Variants in ZFP82 observed in about 807,000 individuals in gnomAD.
ZFP82 encodes ZFP82 zinc finger protein, also known as zinc finger protein 82 homolog.
In ZFP82, 30 loss-of-function variants were observed where a neutral mutation model predicts 54.0. The observed-to-expected ratio is 0.56, with a 90% CI of 0.42 to 0.75. The LOEUF is 0.75. ZFP82 is among the 30% of genes least tolerant of loss of function. The pLI, the probability that ZFP82 is intolerant of heterozygous loss-of-function variation, is 0.00. For missense variants in ZFP82, 500 were observed against 636.8 expected (o/e 0.79, Z 2.31); for synonymous variants, 194 against 209.5 (o/e 0.93, Z 0.64).
chr19:36,402,771 G>A (rs1436030731), intron 4 of ZFP82, among the ~76,000 whole-genome samples: 5 of 151,682 alleles, frequency 3.3e-5, no homozygotes, highest in African/African-American at 4.8e-5. Context: ...CGAGATGGGC[G>A]GATCATGAGG....
chr19:36,418,267 G>A (rs2032706853), intron 1 of ZFP82, among the ~76,000 whole-genome samples: 1 of 151,898 alleles, frequency 6.6e-6, no homozygotes, highest in South Asian at 2.1e-4. Context: ...AACTGACCGA[G>A]GGCCATTTCT....
chr19:36,403,874 A>G (rs2032437502), intron 4 of ZFP82, among the ~76,000 whole-genome samples: 2 of 151,982 alleles, frequency 1.3e-5, no homozygotes, highest in Admixed American at 6.5e-5. Flanking sequence ...TGATTATACT[A>G]TCAAGCATAT....
At chr19:36,414,026 G>A (rs1226460557) in intron 1 of ZFP82, among the ~76,000 whole-genome samples, 5 of 149,662 alleles carry the variant, frequency 3.3e-5, no homozygotes, top group African/African-American at 1.2e-4. Context: ...TCAGCCTCCC[G>A]AGTAGCTGGG....
intron 4 of ZFP82, among the ~76,000 whole-genome samples, chr19:36,398,706 A>C (rs2145585016): frequency 6.6e-6 from 1 of 152,272 alleles, no homozygotes; most frequent in Non-Finnish European, 1.5e-5. Flanking sequence ...TTTCCCAAGA[A>C]ACAGCGTCAC....
At chr19:36,414,550 G>C (rs112091458) in intron 1 of ZFP82, among the ~76,000 whole-genome samples, 1 of 151,516 alleles carries the variant, frequency 6.6e-6, no homozygotes, top group South Asian at 2.1e-4. Context: ...TTTTAGTACA[G>C]ACAGGGTTTC....
At chr19:36,408,641 A>G (rs770629372) in intron 2 of ZFP82, among the ~76,000 whole-genome samples, 33 of 152,066 alleles carry the variant, frequency 2.2e-4, no homozygotes, top group Non-Finnish European at 4.7e-4. Flanking sequence ...CCAACAGGAG[A>G]ACCCTTGTTT....
Position 36,390,418 on chromosome 19 carries a change from T to G in ZFP82, c.*2323A>C, listed in dbSNP as rs189350940. 2.1e-4 allele frequency: 32 copies of G among 151,992 alleles called. No individual in the cohort carries two copies. In the East Asian group the frequency reaches 5.8e-3, roughly 28 times the overall value. 9.4% of individuals were successfully genotyped at this position (151,992 alleles called of 1,614,324 possible). On this transcript the variant is annotated 3_prime_UTR_variant, in exon 5 of 5. Coordinates refer to ENST00000392161, the MANE Select transcript of ZFP82 (RefSeq NM_133466.4). ...TTCCCAAATTGTGCATTTGGTTGTT[T>G]GCTTCTTTGTGTTGTTAATTTGTTC... is the stretch of plus-strand genomic sequence containing the variant.
intron 1 of ZFP82, among the ~76,000 whole-genome samples, chr19:36,410,713 G>A (rs1018685732): frequency 6.6e-6 from 1 of 151,794 alleles, no homozygotes; most frequent in African/African-American, 2.4e-5. Flanking sequence ...ATATTCACCA[G>A]GCTGGTCTCG....
At chr19:36,414,675 TTAA>T (rs2032638817) in intron 1 of ZFP82, among the ~76,000 whole-genome samples, 1 of 152,024 alleles carries the variant, frequency 6.6e-6, no homozygotes, top group African/African-American at 2.4e-5. Flanking sequence ...GTAATTCTTC[TTAA>T]TAATGTTATC....
chr19:36,411,275 T>C (rs1320854525), intron 1 of ZFP82, among the ~76,000 whole-genome samples: 1 of 152,040 alleles, frequency 6.6e-6, no homozygotes, highest in Non-Finnish European at 1.5e-5. Context: ...TATCTAACCA[T>C]AGAGTCGGCT....
At chr19:36,403,349 C>T (rs2032423622) in intron 4 of ZFP82, among the ~76,000 whole-genome samples, 2 of 109,526 alleles carry the variant, frequency 1.8e-5, no homozygotes, top group Admixed American at 2.0e-4. Flanking sequence ...AAAGGCCAGG[C>T]GCGGTGGCTC....
chr19:36,396,061 ATTT>A (rs34319197), intron 4 of ZFP82: 2 of 136,832 alleles, frequency 1.5e-5, no homozygotes, highest in African/African-American at 2.7e-5. Context: ...ACGCCTGGCT[ATTT>A]TTTTTTTTTT....
chr19:36,393,888 T>C lies in ZFP82; in HGVS notation c.452A>G (p.Tyr151Cys). Residue 151 changes from tyrosine to cysteine, a missense_variant, in exon 5 of 5, where the codon TAC (tyrosine) becomes TGC (cysteine). Physicochemically the swap from Tyr to Cys is radical, Grantham distance 194. Transcript: ENST00000392161. ...TGGAGTAACAGATGTGCGTTTCTGG[T>C]AAGAGGACACCTTTTCAGATGGCAT... is the stretch of plus-strand genomic sequence containing the variant. ...VKMPSEKVSS[Y>C]QKRTSVTPHQ... 1 of 1,614,228 alleles carries C rather than the reference T, an allele frequency of 6.2e-7. No individual in the cohort carries two copies. Among genetic ancestry groups the C allele is most frequent in the Non-Finnish European group, 8.5e-7 (1 of 1,180,044 alleles).
At chr19:36,399,999 G>C (rs889938952) in intron 4 of ZFP82, among the ~76,000 whole-genome samples, 4 of 152,084 alleles carry the variant, frequency 2.6e-5, no homozygotes, top group Non-Finnish European at 1.5e-5. Flanking sequence ...CAAAAATACT[G>C]GCAAACAGAC....
At chr19:36,403,293 A>T (rs1028606697) in intron 4 of ZFP82, among the ~76,000 whole-genome samples, 6 of 145,348 alleles carry the variant, frequency 4.1e-5, no homozygotes, top group African/African-American at 7.7e-5. Context: ...ACTGCACTCC[A>T]GCCTGGGGAA....
At chr19:36,408,724 A>G (rs1171002292) in intron 2 of ZFP82, among the ~76,000 whole-genome samples, 1 of 152,158 alleles carries the variant, frequency 6.6e-6, no homozygotes, top group African/African-American at 2.4e-5. Flanking sequence ...AGGCTAAGGC[A>G]GGAGAATCGC....
intron 3 of ZFP82, among the ~76,000 whole-genome samples, chr19:36,406,782 T>C (rs1600106822): frequency 6.6e-6 from 1 of 152,216 alleles, no homozygotes; most frequent in Non-Finnish European, 1.5e-5. Flanking sequence ...ATGAGGGTTC[T>C]AGTTTTTCCA....
intron 1 of ZFP82, among the ~76,000 whole-genome samples, chr19:36,415,874 T>G (rs1254615364): frequency 6.6e-6 from 1 of 152,232 alleles, no homozygotes; most frequent in Non-Finnish European, 1.5e-5. Flanking sequence ...AACGATGGGC[T>G]ATTTTCACTC....
At position 36,418,586 on chromosome 19, in the gene ZFP82, C is replaced by T. The variant is rs1207548430; in HGVS notation, c.-173G>A. The T allele has an allele frequency of 6.6e-6, 1 of 152,300 alleles. No homozygotes were observed. The highest frequency in any genetic ancestry group is 1.5e-5 in the Non-Finnish European group (1 of 68,106). The allele number at this position is 152,300 out of a possible 1,614,324, so 9.4% of individuals were successfully genotyped here. A position where few individuals can be genotyped will look rare whatever the true frequency, so the allele number is the denominator to read the frequency against. The stretch of plus-strand genomic sequence containing the variant: ...GCTCACTCGGGGCGCGAACCCGAGG[C>T]ACAGCGATGCCCGAACGGAGGAAGC... On this transcript the variant is annotated 5_prime_UTR_variant, in exon 1 of 5. Transcript: ENST00000392161.
Sources: gnomAD v4.1 joint callset for allele counts (sites outside exome capture counted in the v4.1 genomes callset) on GRCh38, gnomAD v4.1.1 for gene constraint, MANE v1.5 for transcripts, NCBI Gene and HGNC (gene_info 2026-07-23, HGNC 2026-07-21) for gene names.